Variants in KCNN4 observed in about 807,000 individuals in gnomAD.
KCNN4 encodes intermediate conductance calcium-activated potassium channel protein 4.
Under a neutral mutation model 45.2 loss-of-function variants are expected in KCNN4, and 31 were observed. That is an observed-to-expected ratio of 0.69 (90% confidence interval 0.52 to 0.92). The LOEUF is 0.92. KCNN4 is among the 40% of genes least tolerant of loss of function. KCNN4 has a pLI of 0.00. For synonymous variants in KCNN4, 231 were observed against 254.6 expected (o/e 0.91, Z 0.88); for missense variants, 463 against 574.0 (o/e 0.81, Z 1.98).
chr19:43,767,194 AG>A (rs2146436433), intron 8 of KCNN4, 105 bp from the exon 9 acceptor site: 1 of 250,948 alleles, frequency 4.0e-6, no homozygotes, highest in Non-Finnish European at 8.0e-6. Context: ...AGTGGGAGAC[AG>A]GGGGCAGGTG....
Position 43,769,103 on chromosome 19 carries a change from T to C in KCNN4, c.1050-71A>G. ...ATGTAGCTGTAGCTCAGGGGAGGAATGAAGGGAGGAGAGGCACATGAAGAA... is the reference window on the plus strand; with the variant it reads ...ATGTAGCTGTAGCTCAGGGGAGGAACGAAGGGAGGAGAGGCACATGAAGAA... On this transcript the variant is annotated intron_variant, in intron 6 of 8. Coordinates refer to ENST00000648319, the MANE Select transcript of KCNN4 (RefSeq NM_002250.3). The surrounding 1 kb of genome is among the most constrained non-coding windows in gnomAD (Gnocchi z 4.4). 6.7e-7 allele frequency: 1 copy of C among 1,486,048 alleles called. No homozygotes were observed. The highest frequency in any genetic ancestry group is 9.4e-7 in the Non-Finnish European group (1 of 1,063,768). The allele number at this position is 1,486,048 out of a possible 1,614,324, so 92.1% of individuals were successfully genotyped here.
At chr19:43,780,457 C>A (rs1476432098) in intron 1 of KCNN4, among the ~76,000 whole-genome samples, 2 of 135,278 alleles carry the variant, frequency 1.5e-5, no homozygotes, top group African/African-American at 5.8e-5. Context: ...GAGTCCTGAC[C>A]CCCAGCCCCT....
chr19:43,776,554 G>C lies in KCNN4; in HGVS notation c.242C>G (p.Ala81Gly), dbSNP rs1383707160. The change falls in exon 2 of 9, where the codon GCC (alanine) becomes GGC (glycine). Residue 81 changes from alanine to glycine, a missense_variant. Ala to Gly is a moderately conservative substitution (Grantham distance 60). Transcript: ENST00000648319. ...LLLCLIVAFH[A>G]KEVQLFMTDN... ...GGCCTGCCCTACCTGGACCTCTTTG[G>C]CATGAAAGGCCACGATGAGGCAGAG... The C allele has an allele frequency of 1.2e-6, 2 of 1,612,594 alleles. No individual in the cohort carries two copies.
In KCNN4 at chr19:43,776,717, AT is replaced by A. The variant is rs373080093; in HGVS notation, c.160-82del. 68,045 of 553,226 alleles carry A rather than the reference AT, an allele frequency of 0.12. 79 individuals are homozygous for A. The highest frequency in any genetic ancestry group is 0.18 in the South Asian group (6,493 of 36,786). 34.3% of individuals were successfully genotyped at this position (553,226 alleles called of 1,614,324 possible). On this transcript the variant is annotated intron_variant, in intron 1 of 8. Transcript: ENST00000648319. ...CCTCCACCTTTCCTTCAAAACCACC[AT>A]TTTTTTTTTTTGATTCCCAATTTTC... is the stretch of plus-strand genomic sequence containing the variant.
In KCNN4 at chr19:43,774,484, A is replaced by T. The variant is rs752949336; in HGVS notation, c.391T>A (p.Leu131Ile). The T allele has an allele frequency of 2.9e-5, 47 of 1,598,632 alleles. No individual in the cohort carries two copies. Among genetic ancestry groups the T allele is most frequent in the Admixed American group, 1.7e-5 (1 of 58,326 alleles). Residue 131 changes from leucine (L) to isoleucine (I), a missense_variant, in exon 3 of 9, where the codon TTA becomes ATA. Physicochemically the swap from Leu to Ile is conservative, Grantham distance 5. Coordinates refer to ENST00000648319, the MANE Select transcript of KCNN4 (RefSeq NM_002250.3). The surrounding 1 kb of genome is among the most constrained non-coding windows in gnomAD (Gnocchi z 5.6). ...TGCGGGGAGGTCAGCGGCGCCCCTAAATCCTGCACGCACGGCGGGCCCCGC... is the reference window on the plus strand; with the variant it reads ...TGCGGGGAGGTCAGCGGCGCCCCTATATCCTGCACGCACGGCGGGCCCCGC... Reference protein sequence around the residue: ...PVRGPPCVQDLGAPLTSPQPW... With the variant: ...PVRGPPCVQDIGAPLTSPQPW...
intron 1 of KCNN4, 26 bp downstream of exon 1, chr19:43,780,677 G>A (rs1311750019): frequency 1.5e-6 from 2 of 1,339,138 alleles, no homozygotes; most frequent in Non-Finnish European, 2.0e-6. Flanking sequence ...AGGAGTCCCA[G>A]CTCCCAGCCA....
At chr19:43,767,164 GAC>G in intron 8 of KCNN4, 75 bp from the exon 9 acceptor site, 1 of 236,244 alleles carries the variant, frequency 4.2e-6, no homozygotes, top group Non-Finnish European at 8.7e-6. Flanking sequence ...CCGAGGTGCA[GAC>G]AGAAACCGGT....
Position 43,772,924 on chromosome 19 carries a change from T to C in KCNN4, c.684-789A>G, listed in dbSNP as rs760448921. ...TCCTCCCCATTCTCCCATCATTCAA[T>C]TGAGAAACATGGTGGGGGGATCATT... On this transcript the variant is annotated intron_variant, in intron 3 of 8. Coordinates refer to ENST00000648319, the MANE Select transcript of KCNN4 (RefSeq NM_002250.3). The surrounding 1 kb of genome is among the most constrained non-coding windows in gnomAD (Gnocchi z 4.4). 5.9e-5 allele frequency among the ~76,000 whole-genome samples: 9 copies of C among 152,254 alleles called. No individual in the cohort carries two copies. Among genetic ancestry groups the C allele is most frequent in the Non-Finnish European group, 1.3e-4 (9 of 68,040 alleles).
Position 43,774,601 on chromosome 19 carries a change from C to G in KCNN4, c.274G>C (p.Gly92Arg), listed in dbSNP as rs747284188. The change falls in exon 3 of 9, where the codon GGG becomes CGG. Residue 92 changes from glycine to arginine, a missense_variant. This residue lies in a region of KCNN4 where 225 missense variants were observed against 240.9 expected (regional missense o/e 0.93). Coordinates refer to ENST00000648319, the MANE Select transcript of KCNN4 (RefSeq NM_002250.3). The surrounding 1 kb of genome is among the most constrained non-coding windows in gnomAD (Gnocchi z 5.6). ...KEVQLFMTDN[G>R]LRDWRVALTG... Reference sequence around the variant, plus strand: ...AGCGCCACGCGCCAGTCCCGCAGCCCGTTGTCGGTCATGAACAGCTGCCGG... The same window carrying G: ...AGCGCCACGCGCCAGTCCCGCAGCCGGTTGTCGGTCATGAACAGCTGCCGG... 10 of 1,510,556 alleles carry G rather than the reference C, an allele frequency of 6.6e-6. No individual in the cohort carries two copies. In the South Asian group the frequency reaches 1.2e-4, roughly 18 times the overall value. The allele number at this position is 1,510,556 out of a possible 1,614,324, so 93.6% of individuals were successfully genotyped here.
rs1200789263 is a variant in KCNN4, at chr19:43,772,390, G to A, written c.684-255C>T. 6.6e-6 allele frequency among the ~76,000 whole-genome samples: 1 copy of A among 152,134 alleles called. No individual in the cohort carries two copies. Among genetic ancestry groups the A allele is most frequent in the East Asian group, 1.9e-4 (1 of 5,186 alleles). ...CACTCTGGGATTTGAGACTGGGTCTGGCCAATCCCAATGCCGGTATGGTCT... is the reference window on the plus strand; with the variant it reads ...CACTCTGGGATTTGAGACTGGGTCTAGCCAATCCCAATGCCGGTATGGTCT... On this transcript the variant is annotated intron_variant, in intron 3 of 8. Coordinates refer to ENST00000648319, the MANE Select transcript of KCNN4 (RefSeq NM_002250.3). This position sits in a 1 kb window ranked among gnomAD's most constrained non-coding sequence, Gnocchi z 4.4.
intron 4 of KCNN4, among the ~76,000 whole-genome samples, chr19:43,771,234 C>A (rs1489868825): frequency 6.6e-6 from 1 of 152,156 alleles, no homozygotes; most frequent in Non-Finnish European, 1.5e-5. Context: ...GAGCCTCTGC[C>A]TCATCCTTGA....
At position 43,774,101 on chromosome 19, in the gene KCNN4, C is replaced by T. The variant is rs1969718580; in HGVS notation, c.683+91G>A. 1.5e-6 allele frequency: 2 copies of T among 1,341,940 alleles called. No individual in the cohort carries two copies. Among genetic ancestry groups the T allele is most frequent in the Non-Finnish European group, 2.0e-6 (2 of 980,516 alleles). 83.1% of individuals were successfully genotyped at this position (1,341,940 alleles called of 1,614,324 possible). The stretch of plus-strand genomic sequence containing the variant: ...TGTGAACTTTCTCCACTGCTTGGTC[C>T]TAGGGGGCCTCAACCTGCACCGCGG... On this transcript the variant is annotated intron_variant, in intron 3 of 8. Transcript: ENST00000648319. This position sits in a 1 kb window ranked among gnomAD's most constrained non-coding sequence, Gnocchi z 5.6.
rs937978476 is a variant in KCNN4, at chr19:43,777,322, T to G, written c.160-686A>C. ...AGGTGTGTGTGTGTGTGTGTGTGTG[T>G]GTGGGTGTGTGTGTGTGGTGTCTAG... On this transcript the variant is annotated intron_variant, in intron 1 of 8. Coordinates refer to ENST00000648319, the MANE Select transcript of KCNN4 (RefSeq NM_002250.3). Among the ~76,000 whole-genome samples the G allele has an allele frequency of 8.1e-5, 12 of 147,990 alleles. No homozygotes were observed. In the South Asian group the frequency reaches 1.3e-3, roughly 16 times the overall value.
intron 1 of KCNN4, chr19:43,776,967 C>A: frequency 4.4e-6 from 1 of 229,322 alleles, no homozygotes; most frequent in Non-Finnish European, 8.9e-6. Flanking sequence ...GTGTGTAATC[C>A]CAGCTACTTG....
chr19:43,776,878 A>C (rs900196821), intron 1 of KCNN4: 2 of 446,602 alleles, frequency 4.5e-6, no homozygotes, highest in Non-Finnish European at 8.2e-6. Context: ...CAGGTGGATC[A>C]CCGAAGGTCG....
At chr19:43,776,849 A>G (rs1206299190) in intron 1 of KCNN4, 3 of 521,942 alleles carry the variant, frequency 5.7e-6, no homozygotes, top group Non-Finnish European at 6.9e-6. Context: ...TGTAATCCCA[A>G]CACTCTGGGA....
intron 1 of KCNN4, among the ~76,000 whole-genome samples, chr19:43,777,312 TGTGTGTGTGTGTGG>T (rs937212318): frequency 6.0e-5 from 9 of 149,058 alleles, no homozygotes; most frequent in Non-Finnish European, 1.0e-4. Context: ...TGTGTGTGTG[TGTGTGTGTGTGTGG>T]GTGTGTGTGT....
At position 43,780,933 on chromosome 19, in the gene KCNN4, C is replaced by A; in HGVS notation, c.-72G>T. Reference sequence around the variant, plus strand: ...CCACCTCGCAGCACGCACAGGGCAGCCACTGTGGCTTGCAGGTCGTCAGCC... The same window carrying A: ...CCACCTCGCAGCACGCACAGGGCAGACACTGTGGCTTGCAGGTCGTCAGCC... On this transcript the variant is annotated 5_prime_UTR_variant, in exon 1 of 9. Coordinates refer to ENST00000648319, the MANE Select transcript of KCNN4 (RefSeq NM_002250.3). 6.7e-7 allele frequency: 1 copy of A among 1,499,454 alleles called. No homozygotes were observed. The highest frequency in any genetic ancestry group is 9.2e-7 in the Non-Finnish European group (1 of 1,089,378). 92.9% of individuals were successfully genotyped at this position (1,499,454 alleles called of 1,614,324 possible). A position where few individuals can be genotyped will look rare whatever the true frequency, so the allele number is the denominator to read the frequency against.
intron 2 of KCNN4, among the ~76,000 whole-genome samples, chr19:43,775,633 C>A (rs769592671): frequency 6.6e-6 from 1 of 152,108 alleles, no homozygotes; most frequent in East Asian, 1.9e-4. Context: ...GGCCAATAAT[C>A]CCCATTTTAC....
Sources: allele counts gnomAD v4.1 joint callset (sites outside exome capture counted in the v4.1 genomes callset), GRCh38; gene constraint gnomAD v4.1.1; regional missense constraint gnomAD v4.1.1; non-coding constraint Gnocchi (gnomAD v3.1); transcripts MANE v1.5; gene names NCBI Gene and HGNC (gene_info 2026-07-23, HGNC 2026-07-21).